SGSH: variants seen among roughly 807,000 people sequenced by gnomAD.
SGSH encodes heparan sulfate sulfatase.
In SGSH, 48 loss-of-function variants were observed where a neutral mutation model predicts 51.0. The ratio of observed to expected loss-of-function variants is 0.94; its 90% CI spans 0.75 to 1.20. The LOEUF (loss-of-function observed/expected upper bound fraction) is 1.20. Among genes scored for constraint, SGSH ranks in the 50% most tolerant of loss-of-function variants. The pLI, the probability that SGSH is intolerant of heterozygous loss-of-function variation, is 0.00. For missense variants in SGSH, 662 were observed against 717.8 expected (o/e 0.92, Z 0.89); for synonymous variants, 321 against 313.4 (o/e 1.02, Z -0.26).
downstream of SGSH, among the ~76,000 whole-genome samples, chr17:80,206,228 C>A (rs2041295703): frequency 6.6e-6 from 1 of 151,830 alleles, no homozygotes; most frequent in South Asian, 2.1e-4. Flanking sequence ...ACTTTGGGAA[C>A]CCGAGGTGGG....
chr17:80,213,599 C>A lies in SGSH; in HGVS notation c.745+205G>T, dbSNP rs1242131997. The A allele has an allele frequency of 1.2e-5, 7 of 598,808 alleles. No homozygotes were observed. The East Asian group carries it at 1.9e-4, about 17-fold the overall frequency. 37.1% of individuals were successfully genotyped at this position (598,808 alleles called of 1,614,324 possible). On this transcript the variant is annotated intron_variant, in intron 6 of 7. Transcript: ENST00000326317. The surrounding 1 kb of genome is among the most constrained non-coding windows in gnomAD (Gnocchi z 4.6). ...GCACCCGAAGGCCCCAGCCCAGGAG[C>A]AGGTCCACATCAGGGCAGCCCCGGG...
chr17:80,208,034 C>T, downstream of SGSH: 1 of 836,892 alleles, frequency 1.2e-6, no homozygotes, highest in East Asian at 2.8e-5. Flanking sequence ...AGCGAGGCCA[C>T]CTGTGTTTAG....
At chr17:80,202,411 A>G (rs138579421), downstream of SGSH, 61 of 1,611,398 alleles carry the variant, frequency 3.8e-5, no homozygotes, top group African/African-American at 6.8e-4. Flanking sequence ...ACCATCCCCA[A>G]CTACTCCAGG....
intron 3 of SGSH, 108 bp downstream of exon 3, chr17:80,214,924 GC>G (rs935427387): frequency 1.1e-5 from 14 of 1,283,358 alleles, no homozygotes; most frequent in Admixed American, 1.9e-5. Context: ...AGAGCTAAGG[GC>G]AGGCCACGGG....
chr17:80,213,701 TG>T lies in SGSH; in HGVS notation c.745+102del. ...AGCTGCAGCACAGGGCCTGCCACAC[TG>T]GGACCCTCACCCACATTATGCCGTG... On this transcript the variant is annotated intron_variant, in intron 6 of 7. Transcript: ENST00000326317. This position sits in a 1 kb window ranked among gnomAD's most constrained non-coding sequence, Gnocchi z 4.6. The T allele has an allele frequency of 9.7e-7, 1 of 1,035,302 alleles. No homozygotes were observed. The highest frequency in any genetic ancestry group is 1.4e-6 in the Non-Finnish European group (1 of 692,792). 64.1% of individuals were successfully genotyped at this position (1,035,302 alleles called of 1,614,324 possible).
At chr17:80,202,450 C>A, downstream of SGSH, 1 of 1,599,168 alleles carries the variant, frequency 6.3e-7, no homozygotes, top group Non-Finnish European at 8.5e-7. Flanking sequence ...TCGGTGCGTC[C>A]CCAGAGAGGC....
Position 80,213,967 on chromosome 17 carries a change from A to C in SGSH, c.664-82T>G. ...CAGCCTTCTCCCCGGGGCCTCCTGCAAATGGGTTAGCCCAGAACAGCCTCA... is the reference window on the plus strand; with the variant it reads ...CAGCCTTCTCCCCGGGGCCTCCTGCCAATGGGTTAGCCCAGAACAGCCTCA... On this transcript the variant is annotated intron_variant, in intron 5 of 7. Transcript: ENST00000326317. This position sits in a 1 kb window ranked among gnomAD's most constrained non-coding sequence, Gnocchi z 4.6. The C allele has an allele frequency of 7.1e-7, 1 of 1,415,654 alleles. No individual in the cohort carries two copies. The highest frequency in any genetic ancestry group is 9.7e-7 in the Non-Finnish European group (1 of 1,029,408). The allele number at this position is 1,415,654 out of a possible 1,614,324, so 87.7% of individuals were successfully genotyped here. A position where few individuals can be genotyped will look rare whatever the true frequency, so the allele number is the denominator to read the frequency against.
chr17:80,212,600 G>T lies in SGSH; in HGVS notation c.746-326C>A. ...CGGAATCTCGTGTCTGTCCCATGGA[G>T]CAAATAGGGCAGGGGCCAGAGGACG... On this transcript the variant is annotated intron_variant, in intron 6 of 7. Transcript: ENST00000326317. The surrounding 1 kb of genome is among the most constrained non-coding windows in gnomAD (Gnocchi z 5.9). 2.4e-6 allele frequency: 1 copy of T among 425,438 alleles called. No homozygotes were observed. The allele number at this position is 425,438 out of a possible 1,614,324, so 26.4% of individuals were successfully genotyped here.
chr17:80,214,770 G>C lies in SGSH; in HGVS notation c.356-5C>G, dbSNP rs1240953762. ...CGTGCTTCTTCCCGATGATGCCTGG[G>C]CGGGAAGAGAGGCCTGGCCAGAGTC... On this transcript the variant is annotated splice_region_variant and splice_polypyrimidine_tract_variant and intron_variant, in intron 3 of 7. Transcript: ENST00000326317. 1.2e-6 allele frequency: 2 copies of C among 1,610,404 alleles called. No individual in the cohort carries two copies. The highest frequency in any genetic ancestry group is 2.2e-5 in the South Asian group (2 of 91,088).
chr17:80,202,318 C>T (rs778284973), downstream of SGSH: 1 of 1,613,720 alleles, frequency 6.2e-7, no homozygotes, highest in African/African-American at 1.3e-5. Context: ...CTGCACGTCA[C>T]CGACACCATG....
downstream of SGSH, chr17:80,205,524 C>T (rs1376139305): frequency 2.5e-6 from 4 of 1,583,554 alleles, no homozygotes; most frequent in Non-Finnish European, 3.4e-6. Context: ...TCCAATGTCA[C>T]CTGTAGAGTA....
At chr17:80,214,419 G>A (rs1420008485) in intron 4 of SGSH, 91 bp from the exon 5 acceptor site, 3 of 1,455,396 alleles carry the variant, frequency 2.1e-6, no homozygotes, top group Non-Finnish European at 1.9e-6. Context: ...TCTGTATCTG[G>A]AAGTCAACCT....
chr17:80,214,763 T>A lies in SGSH; in HGVS notation c.358A>T (p.Ile120Phe). The change falls in exon 4 of 8, where the codon ATC becomes TTC. Residue 120 changes from isoleucine (I) to phenylalanine (F), a missense_variant and splice_region_variant. Transcript: ENST00000326317. ...LLSQAGVRTG[I>F]IGKKHVGPET... ...GGCCCCACGTGCTTCTTCCCGATGA[T>A]GCCTGGGCGGGAAGAGAGGCCTGGC... The A allele has an allele frequency of 1.9e-6, 3 of 1,611,368 alleles. No individual in the cohort carries two copies. The highest frequency in any genetic ancestry group is 2.5e-6 in the Non-Finnish European group (3 of 1,179,992).
chr17:80,204,464 T>C (rs1429025511), downstream of SGSH: 1 of 926,438 alleles, frequency 1.1e-6, no homozygotes, highest in Non-Finnish European at 1.6e-6. Context: ...GATCTGGTCT[T>C]CAAGAATCAT....
downstream of SGSH, among the ~76,000 whole-genome samples, chr17:80,207,274 G>C (rs1046178002): frequency 6.6e-6 from 1 of 152,206 alleles, no homozygotes; most frequent in African/African-American, 2.4e-5. Context: ...ATTTTGGCCG[G>C]GCGTGGTGGC....
At chr17:80,205,472 G>A, downstream of SGSH, 1 of 1,555,904 alleles carries the variant, frequency 6.4e-7, no homozygotes. Context: ...TTTACCATGG[G>A]ACTCCCCCAG....
chr17:80,214,827 C>T, intron 3 of SGSH, 62 bp from the exon 4 acceptor site: 2 of 1,577,924 alleles, frequency 1.3e-6, no homozygotes, highest in Non-Finnish European at 1.7e-6. Context: ...CTGCTCCCTT[C>T]TCTGCCCCTC....
downstream of SGSH, chr17:80,204,800 C>T: frequency 2.0e-6 from 1 of 500,890 alleles, no homozygotes; most frequent in Non-Finnish European, 3.5e-6. Flanking sequence ...AAGTTGCAGG[C>T]TGCAAAGCAG....
intron 1 of SGSH, among the ~76,000 whole-genome samples, chr17:80,218,771 GT>G (rs2041995107): frequency 6.6e-6 from 1 of 152,170 alleles, no homozygotes; most frequent in Non-Finnish European, 1.5e-5. Context: ...AAGCCCTAAC[GT>G]CAACATCACT....
Sources: gnomAD v4.1 joint callset for allele counts (sites outside exome capture counted in the v4.1 genomes callset) on GRCh38, gnomAD v4.1.1 for gene constraint, Gnocchi (gnomAD v3.1) non-coding constraint, MANE v1.5 for transcripts, NCBI Gene and HGNC (gene_info 2026-07-23, HGNC 2026-07-21) for gene names.